GRM2: variants seen among roughly 807,000 people sequenced by gnomAD.
GRM2 encodes the protein glutamate metabotropic receptor 2.
In GRM2, 35 loss-of-function variants were observed where a neutral mutation model predicts 60.4. The observed-to-expected ratio is 0.58, with a 90% CI of 0.44 to 0.77. GRM2 has a LOEUF of 0.77. Ranked by LOEUF, GRM2 falls within the 30% of genes least tolerant of loss-of-function variation. GRM2 has a pLI of 0.00. For missense variants in GRM2, 925 were observed against 1,199.5 expected (o/e 0.77, Z 3.38); for synonymous variants, 437 against 484.1 (o/e 0.90, Z 1.28).
chr3:51,716,201 T>C lies in GRM2; in HGVS notation c.2364+64T>C. 9.2e-7 allele frequency: 1 copy of C among 1,083,668 alleles called. No homozygotes were observed. The highest frequency in any genetic ancestry group is 1.4e-6 in the Non-Finnish European group (1 of 718,842). The allele number at this position is 1,083,668 out of a possible 1,614,324, so 67.1% of individuals were successfully genotyped here. On this transcript the variant is annotated intron_variant, in intron 4 of 5. Coordinates refer to ENST00000395052, the MANE Select transcript of GRM2 (RefSeq NM_000839.5). The surrounding 1 kb of genome is among the most constrained non-coding windows in gnomAD (Gnocchi z 4.0). The stretch of plus-strand genomic sequence containing the variant: ...CCAGACCCTCTGTTTCCTGGTATCT[T>C]ATTTAATCTACTGGTAGCTCTGGGG...
chr3:51,716,989 G>T lies in GRM2; in HGVS notation c.2365-648G>T, dbSNP rs1306122859. Among the ~76,000 whole-genome samples the T allele has an allele frequency of 6.6e-6, 1 of 152,100 alleles. No homozygotes were observed. The highest frequency in any genetic ancestry group is 2.4e-5 in the African/African-American group (1 of 41,416). The stretch of plus-strand genomic sequence containing the variant: ...TTGCACCTGCTGGGCCACCTGCTTG[G>T]GTGGTAGAGGCCAGGGCTGGGGAGG... On this transcript the variant is annotated intron_variant, in intron 4 of 5. Transcript: ENST00000395052. This position sits in a 1 kb window ranked among gnomAD's most constrained non-coding sequence, Gnocchi z 4.0.
At chr3:51,707,697 C>G (rs1703558596) in intron 1 of GRM2, 1 of 152,750 alleles carries the variant, frequency 6.5e-6, no homozygotes, top group South Asian at 2.1e-4. Context: ...CCCAGTGCCC[C>G]TGCCCTGGGG....
Position 51,717,740 on chromosome 3 carries a change from A to G in GRM2, c.2468A>G (p.Lys823Arg). ...KLHIILFQPQ[K>R]NVVSHRAPTS... ...CACATCATCCTCTTCCAGCCGCAGA[A>G]GAACGTGGTTAGCCACCGGGCACCC... The change falls in exon 5 of 6, where the codon AAG (lysine) becomes AGG (arginine). Residue 823 changes from lysine (K) to arginine (R), a missense_variant. Lys to Arg is a conservative substitution (Grantham distance 26). Transcript: ENST00000395052. The surrounding 1 kb of genome is among the most constrained non-coding windows in gnomAD (Gnocchi z 6.0). The G allele has an allele frequency of 6.2e-7, 1 of 1,614,176 alleles. No homozygotes were observed. The highest frequency in any genetic ancestry group is 8.5e-7 in the Non-Finnish European group (1 of 1,180,034).
At position 51,718,198 on chromosome 3, in the gene GRM2, C is replaced by A; in HGVS notation, c.*86C>A. 1 of 1,109,218 alleles carries A rather than the reference C, an allele frequency of 9.0e-7. No homozygotes were observed. Among genetic ancestry groups the A allele is most frequent in the Non-Finnish European group, 1.4e-6 (1 of 718,986 alleles). The allele number at this position is 1,109,218 out of a possible 1,614,324, so 68.7% of individuals were successfully genotyped here. On this transcript the variant is annotated 3_prime_UTR_variant, in exon 6 of 6. Coordinates refer to ENST00000395052, the MANE Select transcript of GRM2 (RefSeq NM_000839.5). This position sits in a 1 kb window ranked among gnomAD's most constrained non-coding sequence, Gnocchi z 4.2. ...AGGGCCAGGAGGAAGTTGGCTGGAG[C>A]ACTGCAATAATTTATTACCCACCCT...
At position 51,718,462 on chromosome 3, in the gene GRM2, T is replaced by C; in HGVS notation, c.*350T>C. ...GCAAAGGTGCTTCCAGCCCAGCCCC[T>C]CCCCCCAACTAGGGCCTTTTTTATT... On this transcript the variant is annotated 3_prime_UTR_variant, in exon 6 of 6. Transcript: ENST00000395052. The surrounding 1 kb of genome is among the most constrained non-coding windows in gnomAD (Gnocchi z 4.2). The C allele has an allele frequency of 7.7e-6, 2 of 258,076 alleles. No individual in the cohort carries two copies. The highest frequency in any genetic ancestry group is 1.5e-5 in the Non-Finnish European group (2 of 135,390). The allele number at this position is 258,076 out of a possible 1,614,324, so 16.0% of individuals were successfully genotyped here.
chr3:51,716,972 G>C lies in GRM2; in HGVS notation c.2365-665G>C, dbSNP rs951074056. Among the ~76,000 whole-genome samples the C allele has an allele frequency of 1.2e-4, 18 of 152,184 alleles. No homozygotes were observed. The highest frequency in any genetic ancestry group is 4.1e-4 in the African/African-American group (17 of 41,452). On this transcript the variant is annotated intron_variant, in intron 4 of 5. Coordinates refer to ENST00000395052, the MANE Select transcript of GRM2 (RefSeq NM_000839.5). This position sits in a 1 kb window ranked among gnomAD's most constrained non-coding sequence, Gnocchi z 4.0. ...GGGCTTGGCTGCTCTGCTTGCACCT[G>C]CTGGGCCACCTGCTTGGGTGGTAGA...
rs1703940670 is a variant in GRM2 at position 51,717,394 on chromosome 3, T to A, written c.2365-243T>A. Among the ~76,000 whole-genome samples the A allele has an allele frequency of 6.6e-6, 1 of 152,150 alleles. No homozygotes were observed. The highest frequency in any genetic ancestry group is 2.4e-5 in the African/African-American group (1 of 41,416). On this transcript the variant is annotated intron_variant, in intron 4 of 5. Coordinates refer to ENST00000395052, the MANE Select transcript of GRM2 (RefSeq NM_000839.5). This position sits in a 1 kb window ranked among gnomAD's most constrained non-coding sequence, Gnocchi z 6.0. The stretch of plus-strand genomic sequence containing the variant: ...CCCCAGATGCACACACCCCTGTGTA[T>A]ACATGCCCCCCTGCATGTTCTCCCC...
rs376746549 is a variant in GRM2 at position 51,715,910 on chromosome 3, C to T, written c.2137C>T (p.Arg713Trp). The change falls in exon 4 of 6, where the codon CGG becomes TGG. Residue 713 changes from arginine (R) to tryptophan (W), a missense_variant. Coordinates refer to ENST00000395052, the MANE Select transcript of GRM2 (RefSeq NM_000839.5). This position sits in a 1 kb window ranked among gnomAD's most constrained non-coding sequence, Gnocchi z 9.0. ...CACAGGCAAGGAGACAGCCCCCGAACGGCGGGAGGTGGTGACACTGCGCTG... is the reference window on the plus strand; with the variant it reads ...CACAGGCAAGGAGACAGCCCCCGAATGGCGGGAGGTGGTGACACTGCGCTG... ...PGTGKETAPE[R>W]REVVTLRCNH... is the part of the protein sequence containing the mutation. 19 of 1,613,288 alleles carry T rather than the reference C, an allele frequency of 1.2e-5. No homozygotes were observed. Among genetic ancestry groups the T allele is most frequent in the African/African-American group, 2.7e-5 (2 of 74,938 alleles).
In GRM2 at chr3:51,712,967, C is replaced by T; in HGVS notation, c.945C>T (p.Ile315=). The T allele has an allele frequency of 6.2e-7, 1 of 1,613,192 alleles. No homozygotes were observed. ...GTGAGGGGGCTGCTGAGGGTGCTAT[C>T]ACCATCGAGCTGGCCTCCTACCCCA... ...AGSEGAAEGA[I]TIELASYPIS... Residue 315 remains isoleucine (I), a synonymous_variant, in exon 3 of 6, where the codon ATC becomes ATT. Coordinates refer to ENST00000395052, the MANE Select transcript of GRM2 (RefSeq NM_000839.5). This position sits in a 1 kb window ranked among gnomAD's most constrained non-coding sequence, Gnocchi z 5.3.
At position 51,712,769 on chromosome 3, in the gene GRM2, CT is replaced by C; in HGVS notation, c.750del (p.Phe250LeufsTer229). The part of the protein sequence containing the change: ...KVGRAMSRAA[F>X]EGVVRALLQK... ...TGGGCCGTGCCATGAGCCGCGCGGC[CT>C]TTGAGGGTGTGGTGCGAGCCCTGCT... is the stretch of plus-strand genomic sequence containing the variant. On this transcript the variant is annotated frameshift_variant, in exon 3 of 6. Coordinates refer to ENST00000395052, the MANE Select transcript of GRM2 (RefSeq NM_000839.5). LOFTEE classifies it high-confidence loss of function. The surrounding 1 kb of genome is among the most constrained non-coding windows in gnomAD (Gnocchi z 5.3). 2.5e-6 allele frequency: 4 copies of C among 1,613,328 alleles called. No homozygotes were observed. Among genetic ancestry groups the C allele is most frequent in the Admixed American group, 1.7e-5 (1 of 60,026 alleles).
Position 51,717,508 on chromosome 3 carries a change from G to T in GRM2, c.2365-129G>T. The T allele has an allele frequency of 1.4e-6, 1 of 704,004 alleles. No individual in the cohort carries two copies. The highest frequency in any genetic ancestry group is 1.8e-5 in the South Asian group (1 of 54,672). 43.6% of individuals were successfully genotyped at this position (704,004 alleles called of 1,614,324 possible). A position where few individuals can be genotyped will look rare whatever the true frequency, so the allele number is the denominator to read the frequency against. On this transcript the variant is annotated intron_variant, in intron 4 of 5. Transcript: ENST00000395052. This position sits in a 1 kb window ranked among gnomAD's most constrained non-coding sequence, Gnocchi z 6.0. Reference sequence around the variant, plus strand: ...TTTTCCTAGCAATGCTTTGGGATCCGGCAAATGGACCACAGCCCAGTGTTG... The same window carrying T: ...TTTTCCTAGCAATGCTTTGGGATCCTGCAAATGGACCACAGCCCAGTGTTG...
chr3:51,715,578 G>A lies in GRM2; in HGVS notation c.1805G>A (p.Gly602Asp). Residue 602 changes from glycine to aspartate, a missense_variant, in exon 4 of 6, where the codon GGT becomes GAT. Gly to Asp is a moderately conservative substitution (Grantham distance 94). Coordinates refer to ENST00000395052, the MANE Select transcript of GRM2 (RefSeq NM_000839.5). The surrounding 1 kb of genome is among the most constrained non-coding windows in gnomAD (Gnocchi z 9.0). ...HNATPVVKAS[G>D]RELCYILLGG... is the part of the protein sequence containing the mutation. ...GCCACACCAGTGGTCAAGGCCTCAG[G>A]TCGGGAGCTCTGCTACATCCTGCTG... The A allele has an allele frequency of 6.2e-7, 1 of 1,614,150 alleles. No individual in the cohort carries two copies. The highest frequency in any genetic ancestry group is 1.1e-5 in the South Asian group (1 of 91,086).
Position 51,715,367 on chromosome 3 carries a change from T to C in GRM2, c.1594T>C (p.Leu532=), listed in dbSNP as rs751906864. 1.3e-5 allele frequency: 21 copies of C among 1,613,602 alleles called. No individual in the cohort carries two copies. Among genetic ancestry groups the C allele is most frequent in the South Asian group, 3.3e-5 (3 of 91,086 alleles). The change falls in exon 4 of 6, where the codon TTG becomes CTG. Residue 532 remains leucine (L), a synonymous_variant. Transcript: ENST00000395052. The surrounding 1 kb of genome is among the most constrained non-coding windows in gnomAD (Gnocchi z 9.0). The part of the protein sequence containing the change: ...CIPCQPYEYR[L]DEFTCADCGL... ...TCCGTGCCAGCCCTATGAGTACCGA[T>C]TGGACGAATTCACTTGCGCTGATTG...
intron 2 of GRM2, chr3:51,711,599 C>G (rs1577556099): frequency 6.6e-6 from 1 of 152,546 alleles, no homozygotes. Context: ...TCCCTATCAT[C>G]TTCCCTTTGC....
chr3:51,716,011 C>G lies in GRM2; in HGVS notation c.2238C>G (p.Ala746=). 1 of 1,614,222 alleles carries G rather than the reference C, an allele frequency of 6.2e-7. No individual in the cohort carries two copies. Among genetic ancestry groups the G allele is most frequent in the South Asian group, 1.1e-5 (1 of 91,078 alleles). ...VLLIALCTLY[A]FKTRKCPENF... ...TCATCGCGCTCTGCACGCTTTATGCCTTCAAGACTCGCAAGTGCCCCGAAA... is the reference window on the plus strand; with the variant it reads ...TCATCGCGCTCTGCACGCTTTATGCGTTCAAGACTCGCAAGTGCCCCGAAA... The change falls in exon 4 of 6, where the codon GCC becomes GCG. Residue 746 remains alanine, a synonymous_variant. Transcript: ENST00000395052. The surrounding 1 kb of genome is among the most constrained non-coding windows in gnomAD (Gnocchi z 4.0).
In GRM2 at chr3:51,709,184, T is replaced by C. The variant is rs1703603389; in HGVS notation, c.201T>C (p.Phe67=). Reference sequence around the variant, plus strand: ...TCCAGCGCCTGGAGGCCATGCTTTTTGCACTGGACCGCATCAACCGTGACC... The same window carrying C: ...TCCAGCGCCTGGAGGCCATGCTTTTCGCACTGGACCGCATCAACCGTGACC... ...RGIQRLEAML[F]ALDRINRDPH... The change falls in exon 2 of 6, where the codon TTT becomes TTC. Residue 67 remains phenylalanine, a synonymous_variant. Transcript: ENST00000395052. 1 of 1,612,330 alleles carries C rather than the reference T, an allele frequency of 6.2e-7. No individual in the cohort carries two copies. Among genetic ancestry groups the C allele is most frequent in the African/African-American group, 1.3e-5 (1 of 75,034 alleles).
intron 2 of GRM2, among the ~76,000 whole-genome samples, chr3:51,710,150 C>T (rs560549295): frequency 3.9e-5 from 6 of 151,946 alleles, no homozygotes; most frequent in East Asian, 1.9e-4. Flanking sequence ...CCACCATGCC[C>T]GGCTAATTTT....
Position 51,715,296 on chromosome 3 carries a change from A to G in GRM2, c.1523A>G (p.Glu508Gly). 1 of 1,611,972 alleles carries G rather than the reference A, an allele frequency of 6.2e-7. No individual in the cohort carries two copies. The highest frequency in any genetic ancestry group is 1.1e-5 in the South Asian group (1 of 90,698). ...TGCAGTGAGCCCTGCCTCCAGAATG[A>G]GGTGAAGAGTGTGCAGCCGGGCGAA... ...SRCSEPCLQN[E>G]VKSVQPGEVC... is the part of the protein sequence containing the mutation. The change falls in exon 4 of 6, where the codon GAG becomes GGG. Residue 508 changes from glutamate (E) to glycine (G), a missense_variant. Glu to Gly is a moderately conservative substitution (Grantham distance 98, BLOSUM62 -2). Transcript: ENST00000395052. The surrounding 1 kb of genome is among the most constrained non-coding windows in gnomAD (Gnocchi z 9.0).
At position 51,717,145 on chromosome 3, in the gene GRM2, C is replaced by T. The variant is rs865781806; in HGVS notation, c.2365-492C>T. On this transcript the variant is annotated intron_variant, in intron 4 of 5. Coordinates refer to ENST00000395052, the MANE Select transcript of GRM2 (RefSeq NM_000839.5). The surrounding 1 kb of genome is among the most constrained non-coding windows in gnomAD (Gnocchi z 6.0). ...GCACACACACACACACACTTGTACA[C>T]ACAGACATAGCCACATGCATGCATG... Among the ~76,000 whole-genome samples, 10 of 151,784 alleles carry T rather than the reference C, an allele frequency of 6.6e-5. No homozygotes were observed. The highest frequency in any genetic ancestry group is 1.0e-4 in the Non-Finnish European group (7 of 67,942).
Sources: allele counts gnomAD v4.1 joint callset (sites outside exome capture counted in the v4.1 genomes callset), GRCh38; gene constraint gnomAD v4.1.1; non-coding constraint Gnocchi (gnomAD v3.1); transcripts MANE v1.5; gene names NCBI Gene and HGNC (gene_info 2026-07-23, HGNC 2026-07-21).